Variants in RIMS2 observed in about 807,000 individuals in gnomAD.
RIMS2 encodes the protein regulating synaptic membrane exocytosis 2.
In RIMS2, 59 loss-of-function variants were observed where a neutral mutation model predicts 174.4. The ratio of observed to expected loss-of-function variants is 0.34; its 90% CI spans 0.27 to 0.42. The LOEUF is 0.42. Among genes scored for constraint, RIMS2 ranks in the 10% least tolerant of loss-of-function variants. The pLI is 1.00. For synonymous variants in RIMS2, 606 were observed against 572.5 expected, an observed-to-expected ratio of 1.06 and a Z score of -0.84; for missense variants, 1,620 against 1,666.3, an observed-to-expected ratio of 0.97 and a Z score of 0.48.
intron 19 of RIMS2, among the ~76,000 whole-genome samples, chr8:104,124,884 T>C (rs986035424): frequency 2.6e-5 from 4 of 152,134 alleles, no homozygotes; most frequent in African/African-American, 7.2e-5. Context: ...GTTTGCCCTA[T>C]AGAGAACAAA....
At chr8:103,953,832 A>T (rs1307346644) in intron 14 of RIMS2, among the ~76,000 whole-genome samples, 1 of 152,136 alleles carries the variant, frequency 6.6e-6, no homozygotes, top group Non-Finnish European at 1.5e-5. Flanking sequence ...GTCAAGACCC[A>T]TCAGTGTGCT....
intron 14 of RIMS2, among the ~76,000 whole-genome samples, chr8:103,952,469 G>C (rs1176374880): frequency 6.6e-6 from 1 of 152,180 alleles, no homozygotes; most frequent in Non-Finnish European, 1.5e-5. Context: ...CAGGCAAACA[G>C]GGTATGCAGC....
chr8:104,020,427 AG>A (rs2096058687), intron 19 of RIMS2, among the ~76,000 whole-genome samples: 1 of 152,088 alleles, frequency 6.6e-6, no homozygotes, highest in South Asian at 2.1e-4. Flanking sequence ...TTTTAAAATA[AG>A]CATAAGTATT....
intron 7 of RIMS2, 73 bp downstream of exon 10, chr8:103,915,667 T>C (rs1368092278): frequency 3.0e-6 from 2 of 667,466 alleles, no homozygotes; most frequent in Non-Finnish European, 4.9e-6. Flanking sequence ...TTCATTTATT[T>C]AGAAGTGATT....
At chr8:103,766,643 A>G (rs2098174992) in intron 3 of RIMS2, 106 bp downstream of exon 6, 1 of 723,708 alleles carries the variant, frequency 1.4e-6, no homozygotes, top group South Asian at 1.9e-5. Context: ...TTGTCTAAGT[A>G]ATGTAAACAT....
At chr8:104,012,651 G>A (rs2095799516) in intron 17 of RIMS2, among the ~76,000 whole-genome samples, 1 of 152,126 alleles carries the variant, frequency 6.6e-6, no homozygotes, top group Admixed American at 6.6e-5. Flanking sequence ...TATTGATCAT[G>A]TTAAATGTAA....
chr8:104,038,173 A>G (rs1311768566), intron 19 of RIMS2, among the ~76,000 whole-genome samples: 1 of 152,024 alleles, frequency 6.6e-6, no homozygotes, highest in Non-Finnish European at 1.5e-5. Flanking sequence ...ATTTGTTGTA[A>G]TATAATTTAC....
intron 3 of RIMS2, among the ~76,000 whole-genome samples, chr8:103,786,847 A>G (rs1241521944): frequency 6.6e-6 from 1 of 152,108 alleles, no homozygotes; most frequent in Admixed American, 6.6e-5. Context: ...TGTTTCGTTG[A>G]TCTGTCTAAT....
chr8:104,079,810 T>A (rs2097376932), intron 19 of RIMS2, among the ~76,000 whole-genome samples: 1 of 151,576 alleles, frequency 6.6e-6, no homozygotes, highest in Non-Finnish European at 1.5e-5. Context: ...ATTATTCATC[T>A]TTGTAGTCTC....
intron 2 of RIMS2, among the ~76,000 whole-genome samples, chr8:103,710,660 T>C (rs1564370977): frequency 6.6e-6 from 1 of 152,170 alleles, no homozygotes; most frequent in Non-Finnish European, 1.5e-5. Flanking sequence ...GTAAGAAAAG[T>C]ATATTACCAC....
rs184667688 is a variant in RIMS2, at chr8:104,088,612, A to G, written c.3334+73997A>G. On this transcript the variant is annotated intron_variant, in intron 19 of 23. Coordinates refer to ENST00000504942, the Ensembl canonical transcript of RIMS2. ...TTTTTAATTATTGTTTTGTACAATA[A>G]ATGGTTATCTGGTGAGATTTATTGA... 9.2e-5 allele frequency among the ~76,000 whole-genome samples: 14 copies of G among 152,096 alleles called. No homozygotes were observed. In the East Asian group the frequency reaches 2.7e-3, roughly 29 times the overall value.
At chr8:103,884,861 T>C (rs1392692295) in intron 3 of RIMS2, among the ~76,000 whole-genome samples, 1 of 151,900 alleles carries the variant, frequency 6.6e-6, no homozygotes, top group Non-Finnish European at 1.5e-5. Flanking sequence ...TATTCAACTC[T>C]TGAGCCAAAT....
At chr8:104,064,657 A>G (rs538567224) in intron 19 of RIMS2, among the ~76,000 whole-genome samples, 1 of 152,014 alleles carries the variant, frequency 6.6e-6, no homozygotes, top group Admixed American at 6.6e-5. Context: ...GAAACAAATT[A>G]TATTTTCTCT....
intron 19 of RIMS2, among the ~76,000 whole-genome samples, chr8:104,185,547 A>C (rs2098963492): frequency 6.6e-6 from 1 of 151,686 alleles, no homozygotes; most frequent in African/African-American, 2.4e-5. Flanking sequence ...ATTTGTCATT[A>C]AAACTTCAAA....
At chr8:104,250,945 A>C in intron 22 of RIMS2, 79 bp from the exon 29 acceptor site, 1 of 1,258,750 alleles carries the variant, frequency 7.9e-7, no homozygotes. Context: ...AGATTACTAA[A>C]CTGGTAAATG....
intron 10 of RIMS2, among the ~76,000 whole-genome samples, chr8:103,922,510 T>A (rs755506278): frequency 6.6e-6 from 1 of 151,902 alleles, no homozygotes; most frequent in Non-Finnish European, 1.5e-5. Flanking sequence ...AATAAATTTA[T>A]TGTTATATAT....
intron 19 of RIMS2, among the ~76,000 whole-genome samples, chr8:104,083,911 T>A (rs996411851): frequency 2.0e-5 from 3 of 152,142 alleles, no homozygotes; most frequent in Non-Finnish European, 2.9e-5. Flanking sequence ...AATATTTACT[T>A]TTTGTGGTTA....
At chr8:103,748,417 C>T (rs1256082713) in intron 2 of RIMS2, among the ~76,000 whole-genome samples, 2 of 152,088 alleles carry the variant, frequency 1.3e-5, no homozygotes, top group East Asian at 1.9e-4. Flanking sequence ...CTCTGCACTC[C>T]AGCCTGAGCA....
rs1040062424 is a variant in RIMS2 at position 103,886,303 on chromosome 8, T to C, written c.1624+80T>C. 1.1e-5 allele frequency: 13 copies of C among 1,194,258 alleles called. No individual in the cohort carries two copies. The East Asian group carries it at 2.5e-4, about 23-fold the overall frequency. The allele number at this position is 1,194,258 out of a possible 1,614,324, so 74.0% of individuals were successfully genotyped here. A position where few individuals can be genotyped will look rare whatever the true frequency, so the allele number is the denominator to read the frequency against. On this transcript the variant is annotated intron_variant, in intron 4 of 23. Transcript: ENST00000504942. The stretch of plus-strand genomic sequence containing the variant: ...AATAGATTGCATTTCTGAGTGAAAA[T>C]TTAATAGGTATTACTAGTAGCTTTA...
Sources: allele counts gnomAD v4.1 joint callset (sites outside exome capture counted in the v4.1 genomes callset), GRCh38; gene constraint gnomAD v4.1.1; transcripts MANE v1.5; gene names NCBI Gene and HGNC (gene_info 2026-07-23, HGNC 2026-07-21).